DOCK5: variants seen among roughly 807,000 people sequenced by gnomAD.
DOCK5 encodes dedicator of cytokinesis 5.
DOCK5 carries 142 observed loss-of-function variants against 251.8 expected under a neutral mutation model. The observed-to-expected ratio is 0.56, with a 90% CI of 0.49 to 0.65. The LOEUF is 0.65. Among genes scored for constraint, DOCK5 ranks in the 30% least tolerant of loss-of-function variants. The pLI, the probability that DOCK5 is intolerant of heterozygous loss-of-function variation, is 0.00. For missense variants in DOCK5, 2,111 were observed against 2,312.3 expected, an observed-to-expected ratio of 0.91 and a Z score of 1.79; for synonymous variants, 842 against 835.5, an observed-to-expected ratio of 1.01 and a Z score of -0.13.
At chr8:25,366,648 G>C (rs1800781574) in intron 30 of DOCK5, among the ~76,000 whole-genome samples, 1 of 152,044 alleles carries the variant, frequency 6.6e-6, no homozygotes, top group African/African-American at 2.4e-5. Context: ...TTTATCCCAG[G>C]AGTAAAGAAA....
At position 25,390,239 on chromosome 8, in the gene DOCK5, G is replaced by A. The variant is rs763666721; in HGVS notation, c.4307G>A (p.Ser1436Asn). The change falls in exon 42 of 52, where the codon AGC becomes AAC. Residue 1436 changes from serine (S) to asparagine (N), a missense_variant. Physicochemically the swap from Ser to Asn is conservative, Grantham distance 46. This residue lies in a region of DOCK5 where 1,717 missense variants were observed against 1,892.4 expected (regional missense o/e 0.91). Coordinates refer to ENST00000276440, the MANE Select transcript of DOCK5 (RefSeq NM_024940.8). Reference sequence around the variant, plus strand: ...TGCTTCACTGTAAAGCCAGTGATGAGCTTGCCGCCCAGCTACAAGGATAAA... The same window carrying A: ...TGCTTCACTGTAAAGCCAGTGATGAACTTGCCGCCCAGCTACAAGGATAAA... ...MQCFTVKPVM[S>N]LPPSYKDKPV... 3.8e-6 allele frequency: 6 copies of A among 1,595,144 alleles called. No individual in the cohort carries two copies. In the Admixed American group the frequency reaches 1.0e-4, roughly 28 times the overall value.
At position 25,224,308 on chromosome 8, in the gene DOCK5, G is replaced by A. The variant is rs191552255; in HGVS notation, c.44-19366G>A. ...TAATTTATATATTTTTAGTAGAGAC[G>A]GGGTTTCACCATGTTGGCCAGGCTG... On this transcript the variant is annotated intron_variant, in intron 1 of 51. Coordinates refer to ENST00000276440, the MANE Select transcript of DOCK5 (RefSeq NM_024940.8). Among the ~76,000 whole-genome samples, 530 of 152,138 alleles carry A rather than the reference G, an allele frequency of 3.5e-3. 8 individuals are homozygous for A. Among genetic ancestry groups the A allele is most frequent in the South Asian group, 2.9e-3 (14 of 4,808 alleles).
At chr8:25,233,842 C>T (rs1461055741) in intron 1 of DOCK5, among the ~76,000 whole-genome samples, 1 of 152,180 alleles carries the variant, frequency 6.6e-6, no homozygotes, top group African/African-American at 2.4e-5. Flanking sequence ...TTGATGCAGA[C>T]ATGCAATGTG....
rs201773926 is a variant in DOCK5 at position 25,395,599 on chromosome 8, G to A, written c.4584G>A (p.Arg1528=). Reference sequence around the variant, plus strand: ...AAACCATGGAGCTGACCAACGAGAGGATCAGCAACTGTGTTCAGCAGCATG... The same window carrying A: ...AAACCATGGAGCTGACCAACGAGAGAATCAGCAACTGTGTTCAGCAGCATG... ...AIETMELTNE[R]ISNCVQQHAW... Residue 1528 remains arginine (R), a synonymous_variant, in exon 45 of 52, where the codon AGG becomes AGA. Coordinates refer to ENST00000276440, the MANE Select transcript of DOCK5 (RefSeq NM_024940.8). 4.2e-5 allele frequency: 68 copies of A among 1,613,738 alleles called. No homozygotes were observed. The East Asian group carries it at 1.1e-3, about 25-fold the overall frequency.
chr8:25,195,929 T>G (rs2117449691), intron 1 of DOCK5, among the ~76,000 whole-genome samples: 1 of 152,338 alleles, frequency 6.6e-6, no homozygotes, highest in East Asian at 1.9e-4. Flanking sequence ...AAATGAATAC[T>G]GACCCCATCA....
At chr8:25,316,922 G>C in intron 13 of DOCK5, 85 bp from the exon 14 acceptor site, 2 of 1,539,630 alleles carry the variant, frequency 1.3e-6, no homozygotes, top group South Asian at 2.4e-5. Context: ...ATTTCGTGTT[G>C]TCTTTACCTT....
At chr8:25,230,878 T>G (rs1256063366) in intron 1 of DOCK5, among the ~76,000 whole-genome samples, 4 of 151,978 alleles carry the variant, frequency 2.6e-5, no homozygotes, top group African/African-American at 9.7e-5. Context: ...TAAATAAATT[T>G]ACACCATTTG....
chr8:25,252,515 G>A (rs746510871), intron 2 of DOCK5, among the ~76,000 whole-genome samples: 108 of 152,318 alleles, frequency 7.1e-4, no homozygotes, highest in African/African-American at 2.5e-3. Context: ...ATGACGCTGC[G>A]TGCAAATATT....
chr8:25,373,689 G>T, intron 36 of DOCK5, 31 bp downstream of exon 36: 6 of 1,566,132 alleles, frequency 3.8e-6, no homozygotes, highest in Non-Finnish European at 4.3e-6. Flanking sequence ...TGCTTCTGCT[G>T]TTTATTTCAT....
At chr8:25,241,358 G>T (rs1479938372) in intron 1 of DOCK5, among the ~76,000 whole-genome samples, 3 of 151,952 alleles carry the variant, frequency 2.0e-5, no homozygotes, top group African/African-American at 7.3e-5. Flanking sequence ...GGCACCTGTA[G>T]TCCCAGCTAC....
intron 13 of DOCK5, among the ~76,000 whole-genome samples, chr8:25,314,841 A>G (rs1805200378): frequency 6.8e-6 from 1 of 146,528 alleles, no homozygotes; most frequent in African/African-American, 2.5e-5. Flanking sequence ...TTTATAACTC[A>G]CATAAATTAG....
At chr8:25,225,298 G>A (rs553517769) in intron 1 of DOCK5, among the ~76,000 whole-genome samples, 11 of 152,260 alleles carry the variant, frequency 7.2e-5, no homozygotes, top group African/African-American at 2.4e-4. Context: ...TTTTACACTC[G>A]TGTTCATAGC....
At chr8:25,234,544 C>T (rs1802745855) in intron 1 of DOCK5, among the ~76,000 whole-genome samples, 1 of 152,086 alleles carries the variant, frequency 6.6e-6, no homozygotes, top group African/African-American at 2.4e-5. Context: ...GGAAGATATT[C>T]ATTGAGAAAA....
At position 25,394,369 on chromosome 8, in the gene DOCK5, C is replaced by T. The variant is rs566881069; in HGVS notation, c.4528-1174C>T. ...GGAGATACTTTTTTTTTTTTTGAAA[C>T]CTGATTTTGTAGACATTTCCATAGG... is the stretch of plus-strand genomic sequence containing the variant. On this transcript the variant is annotated intron_variant, in intron 44 of 51. Transcript: ENST00000276440. Among the ~76,000 whole-genome samples the T allele has an allele frequency of 3.0e-4, 45 of 149,658 alleles. 1 individual carries two copies. In the South Asian group the frequency reaches 9.0e-3, roughly 30 times the overall value.
At chr8:25,240,432 G>A (rs1266855892) in intron 1 of DOCK5, among the ~76,000 whole-genome samples, 3 of 152,080 alleles carry the variant, frequency 2.0e-5, no homozygotes, top group Admixed American at 2.0e-4. Context: ...TCCCCAAGAA[G>A]CTCCTTAGGG....
chr8:25,320,112 G>A (rs750301795), intron 15 of DOCK5, among the ~76,000 whole-genome samples: 1 of 152,140 alleles, frequency 6.6e-6, no homozygotes, highest in Admixed American at 6.5e-5. Context: ...ACTAGAACAA[G>A]CAGGTGTTGT....
chr8:25,185,371 T>G (rs1563299154), intron 1 of DOCK5, among the ~76,000 whole-genome samples: 1 of 152,152 alleles, frequency 6.6e-6, no homozygotes, highest in African/African-American at 2.4e-5. Flanking sequence ...ATTGTCCCAG[T>G]GCTTTCTGCC....
At chr8:25,350,195 TAC>T (rs1800441529) in intron 26 of DOCK5, among the ~76,000 whole-genome samples, 1 of 152,166 alleles carries the variant, frequency 6.6e-6, no homozygotes, top group Non-Finnish European at 1.5e-5. Flanking sequence ...GCTGGATAAG[TAC>T]AGTCTTTGCC....
At chr8:25,406,869 G>A (rs772339335) in intron 48 of DOCK5, among the ~76,000 whole-genome samples, 2 of 151,986 alleles carry the variant, frequency 1.3e-5, no homozygotes, top group East Asian at 1.9e-4. Context: ...CTCATGATCC[G>A]CCCACCTCGG....
Sources: allele counts gnomAD v4.1 joint callset (sites outside exome capture counted in the v4.1 genomes callset), GRCh38; gene constraint gnomAD v4.1.1; regional missense constraint gnomAD v4.1.1; transcripts MANE v1.5; gene names NCBI Gene and HGNC (gene_info 2026-07-23, HGNC 2026-07-21).